The following ADSS2 variants were observed in gnomAD, a reference collection of about 807,000 sequenced individuals.
ADSS2 encodes the protein adenylosuccinate synthase 2.
Under a neutral mutation model 60.0 loss-of-function variants are expected in ADSS2, and 30 were observed. The observed-to-expected ratio is 0.50, with a 90% CI of 0.37 to 0.68. The LOEUF is 0.68. Among genes scored for constraint, ADSS2 ranks in the 30% least tolerant of loss-of-function variants. The probability of loss-of-function intolerance (pLI) is 0.00; values close to 1 mark genes in which losing one functional copy is unlikely to be tolerated. For missense variants in ADSS2, 373 were observed against 554.8 expected, an observed-to-expected ratio of 0.67 and a Z score of 3.29; for synonymous variants, 187 against 193.1, an observed-to-expected ratio of 0.97 and a Z score of 0.26.
chr1:244,412,526 G>A (rs773214938), intron 11 of ADSS2, among the ~76,000 whole-genome samples: 11 of 152,302 alleles, frequency 7.2e-5, no homozygotes, highest in South Asian at 2.1e-4. Context: ...ATTCGAGCAC[G>A]GTGGAACAAC....
intron 1 of ADSS2, among the ~76,000 whole-genome samples, chr1:244,446,668 C>CCTAA (rs1665398521): frequency 2.5e-5 from 1 of 39,510 alleles, no homozygotes; most frequent in South Asian, 4.3e-4. Context: ...ATCTTAGGTT[C>CCTAA]CTAAGAAGCT....
At chr1:244,437,794 G>A (rs1392849495) in intron 1 of ADSS2, 26 bp from the exon 2 acceptor site, 1 of 1,478,688 alleles carries the variant, frequency 6.8e-7, no homozygotes. Context: ...GGGGAAAATT[G>A]AGCCTGATGA....
At chr1:244,429,873 C>A (rs1332513406) in intron 4 of ADSS2, among the ~76,000 whole-genome samples, 3 of 151,952 alleles carry the variant, frequency 2.0e-5, no homozygotes, top group East Asian at 1.9e-4. Flanking sequence ...CAGAATGAGA[C>A]CCTGTCTCAA....
At position 244,415,961 on chromosome 1, in the gene ADSS2, T is replaced by C; in HGVS notation, c.1168+20A>G. 1 of 1,515,728 alleles carries C rather than the reference T, an allele frequency of 6.6e-7. No homozygotes were observed. The highest frequency in any genetic ancestry group is 1.7e-5 in the Admixed American group (1 of 59,110). 93.9% of individuals were successfully genotyped at this position (1,515,728 alleles called of 1,614,324 possible). On this transcript the variant is annotated intron_variant, in intron 11 of 12. Coordinates refer to ENST00000366535, the MANE Select transcript of ADSS2 (RefSeq NM_001126.5). ...CATTCACCTTATAATATCCTTTAGATATTGCCTAAAAGAAAATACCTGGGA... is the reference window on the plus strand; with the variant it reads ...CATTCACCTTATAATATCCTTTAGACATTGCCTAAAAGAAAATACCTGGGA...
intron 1 of ADSS2, among the ~76,000 whole-genome samples, chr1:244,449,623 T>A (rs1665481451): frequency 6.6e-6 from 1 of 152,194 alleles, no homozygotes; most frequent in Non-Finnish European, 1.5e-5. Flanking sequence ...TGCTTAAATC[T>A]ATTCATTACT....
Position 244,409,415 on chromosome 1 carries a change from G to A in ADSS2, c.*171C>T. On this transcript the variant is annotated 3_prime_UTR_variant, in exon 13 of 13. Transcript: ENST00000366535. ...CTAAAGAAAGCTGACACTGGAATAT[G>A]CCAAAGTTAATCTCCACAGTAGGCA... is the stretch of plus-strand genomic sequence containing the variant. 2.0e-6 allele frequency: 1 copy of A among 489,110 alleles called. No homozygotes were observed. Among genetic ancestry groups the A allele is most frequent in the Non-Finnish European group, 3.6e-6 (1 of 276,536 alleles). The allele number at this position is 489,110 out of a possible 1,614,324, so 30.3% of individuals were successfully genotyped here. A position where few individuals can be genotyped will look rare whatever the true frequency, so the allele number is the denominator to read the frequency against.
At chr1:244,443,156 G>A (rs955405357) in intron 1 of ADSS2, among the ~76,000 whole-genome samples, 1 of 152,160 alleles carries the variant, frequency 6.6e-6, no homozygotes, top group Admixed American at 6.5e-5. Flanking sequence ...AATGATGGGA[G>A]ATATTTTGTT....
Position 244,420,161 on chromosome 1 carries a change from C to T in ADSS2, c.790+9G>A. 2 of 1,612,410 alleles carry T rather than the reference C, an allele frequency of 1.2e-6. No homozygotes were observed. Among genetic ancestry groups the T allele is most frequent in the Non-Finnish European group, 1.7e-6 (2 of 1,179,058 alleles). On this transcript the variant is annotated intron_variant, in intron 8 of 12. Transcript: ENST00000366535. ...AAGCTCCCTTAACTATAAGTCATAT[C>T]TCACTTACCAAAATCAATATCTAAT...
At chr1:244,419,639 A>T (rs1664632231) in intron 8 of ADSS2, among the ~76,000 whole-genome samples, 1 of 152,236 alleles carries the variant, frequency 6.6e-6, no homozygotes. Flanking sequence ...ACTAATCATG[A>T]GAAATCATGT....
intron 11 of ADSS2, among the ~76,000 whole-genome samples, chr1:244,412,121 A>G (rs1164697820): frequency 1.3e-5 from 2 of 152,160 alleles, no homozygotes; most frequent in African/African-American, 4.8e-5. Flanking sequence ...TGACTTGTCA[A>G]TGTAGGAATA....
intron 11 of ADSS2, among the ~76,000 whole-genome samples, chr1:244,414,592 T>C (rs12032765): frequency 0.065 from 9,965 of 152,246 alleles, 784 homozygotes; most frequent in East Asian, 0.42. Flanking sequence ...ATAGCCACAA[T>C]AGGGGCTAAT....
chr1:244,425,754 A>G (rs546938296), intron 4 of ADSS2, among the ~76,000 whole-genome samples: 1 of 152,334 alleles, frequency 6.6e-6, no homozygotes, highest in South Asian at 2.1e-4. Flanking sequence ...CATACTAATT[A>G]GTTATATTTC....
At chr1:244,439,593 C>A (rs1001417622) in intron 1 of ADSS2, among the ~76,000 whole-genome samples, 1 of 152,152 alleles carries the variant, frequency 6.6e-6, no homozygotes, top group Non-Finnish European at 1.5e-5. Context: ...CCTGGAGCTG[C>A]ATGCTGTGCT....
At chr1:244,431,392 CA>C (rs1664941353) in intron 4 of ADSS2, among the ~76,000 whole-genome samples, 1 of 151,968 alleles carries the variant, frequency 6.6e-6, no homozygotes, top group African/African-American at 2.4e-5. Context: ...GCATCTATGC[CA>C]TTAATAATTC....
At position 244,451,712 on chromosome 1, in the gene ADSS2, C is replaced by A. The variant is rs1393063758; in HGVS notation, c.106G>T (p.Ala36Ser). 1 of 1,611,612 alleles carries A rather than the reference C, an allele frequency of 6.2e-7. No homozygotes were observed. The highest frequency in any genetic ancestry group is 2.2e-5 in the East Asian group (1 of 44,726). Residue 36 changes from alanine to serine, a missense_variant, in exon 1 of 13, where the codon GCG becomes TCG. Ala to Ser is a moderately conservative substitution (Grantham distance 99). Transcript: ENST00000366535. The surrounding 1 kb of genome is among the most constrained non-coding windows in gnomAD (Gnocchi z 6.6). ...CCTTTGCCTTCGTCGCCCCACTGCG[C>A]ACCGAGCACCACCGTCACCCGGTTT... ...GGNRVTVVLG[A>S]QWGDEGKGKV...
At chr1:244,425,216 G>T (rs754837519) in intron 4 of ADSS2, among the ~76,000 whole-genome samples, 2 of 152,164 alleles carry the variant, frequency 1.3e-5, no homozygotes, top group African/African-American at 2.4e-5. Flanking sequence ...GTTTATAGAA[G>T]AGGCAAAACT....
intron 3 of ADSS2, among the ~76,000 whole-genome samples, 162 bp from the exon 4 acceptor site, chr1:244,432,757 G>A (rs779379753): frequency 3.7e-5 from 5 of 135,474 alleles, no homozygotes; most frequent in Middle Eastern, 4.5e-3. Context: ...TCCACCTCCC[G>A]GGTTCACTGC....
At chr1:244,440,831 C>G (rs1188350496) in intron 1 of ADSS2, among the ~76,000 whole-genome samples, 1 of 152,160 alleles carries the variant, frequency 6.6e-6, no homozygotes, top group African/African-American at 2.4e-5. Context: ...ATTCTTTTAA[C>G]AGTTGTATTT....
At chr1:244,411,497 G>A in intron 11 of ADSS2, 61 bp from the exon 12 acceptor site, 1 of 1,505,914 alleles carries the variant, frequency 6.6e-7, no homozygotes. Flanking sequence ...ACAACTTTTT[G>A]ATATATTGTA....
Sources: allele counts gnomAD v4.1 joint callset (sites outside exome capture counted in the v4.1 genomes callset), GRCh38; gene constraint gnomAD v4.1.1; non-coding constraint Gnocchi (gnomAD v3.1); transcripts MANE v1.5; gene names NCBI Gene and HGNC (gene_info 2026-07-23, HGNC 2026-07-21).